C7orf78: variants seen among roughly 807,000 people sequenced by gnomAD.
The protein encoded by C7orf78 is chromosome 7 open reading frame 78.
chr7:12,497,917 T>TCCCTGAC, the C7orf78 span, among the ~76,000 whole-genome samples: 23,227 of 150,230 alleles, frequency 0.15, 2,032 homozygotes, highest in South Asian at 0.23. Context: ...CTCAAGTGGG[T>TCCCTGAC]CCCTGACCCC....
At chr7:12,487,830 G>A in the C7orf78 span, among the ~76,000 whole-genome samples, 1 of 152,072 alleles carries the variant, frequency 6.6e-6, no homozygotes, top group Non-Finnish European at 1.5e-5. Context: ...ACAAGTCAAT[G>A]TACTTGTTTA....
At chr7:12,492,246 A>C in the C7orf78 span, among the ~76,000 whole-genome samples, 1 of 152,228 alleles carries the variant, frequency 6.6e-6, no homozygotes, top group Non-Finnish European at 1.5e-5. Context: ...GAGTATAGTT[A>C]CATTTTAGAA....
chr7:12,532,233 G>T, the C7orf78 span, among the ~76,000 whole-genome samples: 1 of 152,080 alleles, frequency 6.6e-6, no homozygotes, highest in Non-Finnish European at 1.5e-5. Flanking sequence ...TTTAGGAAAT[G>T]ATTTGGGGCT....
At chr7:12,524,720 G>C in the C7orf78 span, among the ~76,000 whole-genome samples, 2 of 152,004 alleles carry the variant, frequency 1.3e-5, no homozygotes, top group African/African-American at 2.4e-5. Context: ...ACACGTGCCT[G>C]TAATTCCAGC....
chr7:12,508,239 T>C, the C7orf78 span, among the ~76,000 whole-genome samples: 2 of 152,208 alleles, frequency 1.3e-5, no homozygotes, highest in Non-Finnish European at 2.9e-5. Context: ...TAGGAATGAA[T>C]CTGGCTTTAG....
chr7:12,500,640 CT>C, the C7orf78 span, among the ~76,000 whole-genome samples: 1 of 152,002 alleles, frequency 6.6e-6, no homozygotes, highest in East Asian at 1.9e-4. Context: ...CAGCCGAATT[CT>C]ACCAGAGGTA....
the C7orf78 span, chr7:12,505,942 G>A: frequency 7.9e-5 from 12 of 152,048 alleles, no homozygotes; most frequent in African/African-American, 2.4e-4. Context: ...CATAATATAA[G>A]GACAAAATAA....
At chr7:12,501,176 AG>A in the C7orf78 span, among the ~76,000 whole-genome samples, 1 of 134,436 alleles carries the variant, frequency 7.4e-6, no homozygotes, top group African/African-American at 2.9e-5. Flanking sequence ...GGCACAAGAC[AG>A]GGATGTCCTC....
the C7orf78 span, among the ~76,000 whole-genome samples, chr7:12,498,086 A>G: frequency 3.9e-5 from 6 of 152,046 alleles, no homozygotes; most frequent in East Asian, 9.7e-4. Flanking sequence ...CCATCTGTAC[A>G]TCACCATCAT....
the C7orf78 span, chr7:12,530,404 G>A: frequency 6.6e-6 from 1 of 152,200 alleles, no homozygotes; most frequent in Non-Finnish European, 1.5e-5. Flanking sequence ...TATCTGTCAT[G>A]TGATGCGACA....
the C7orf78 span, among the ~76,000 whole-genome samples, chr7:12,493,070 G>A: frequency 2.6e-5 from 4 of 152,090 alleles, no homozygotes; most frequent in Non-Finnish European, 1.5e-5. Context: ...AGACATGGTG[G>A]CACATGCCTG....
At chr7:12,515,700 G>C in the C7orf78 span, among the ~76,000 whole-genome samples, 1 of 152,164 alleles carries the variant, frequency 6.6e-6, no homozygotes, top group Admixed American at 6.5e-5. Context: ...GACTGAGGTG[G>C]TCTCAGATGG....
chr7:12,503,097 G>C, the C7orf78 span, among the ~76,000 whole-genome samples: 3 of 139,552 alleles, frequency 2.1e-5, no homozygotes, highest in East Asian at 2.0e-4. Context: ...GTGGGGGTAG[G>C]GGGGAGGGAT....
At chr7:12,533,974 CAAAAT>C in the C7orf78 span, among the ~76,000 whole-genome samples, 1 of 152,160 alleles carries the variant, frequency 6.6e-6, no homozygotes, top group Admixed American at 6.5e-5. Context: ...ACAGGCTTCT[CAAAAT>C]AGAAATGTTT....
At chr7:12,495,132 T>C in the C7orf78 span, among the ~76,000 whole-genome samples, 1 of 152,116 alleles carries the variant, frequency 6.6e-6, no homozygotes, top group South Asian at 2.1e-4. Context: ...TCCAACAGAG[T>C]GTCCTGGGCC....
the C7orf78 span, chr7:12,523,087 A>C: frequency 3.3e-5 from 13 of 398,272 alleles, no homozygotes; most frequent in African/African-American, 8.2e-5. Context: ...TCAACTCCAA[A>C]TGGAAAAAAA....
At chr7:12,537,148 A>G in the C7orf78 span, among the ~76,000 whole-genome samples, 2 of 152,242 alleles carry the variant, frequency 1.3e-5, no homozygotes, top group Non-Finnish European at 1.5e-5. Flanking sequence ...TGATAAAGAC[A>G]TACCCAAGAC....
the C7orf78 span, among the ~76,000 whole-genome samples, chr7:12,486,116 A>T: frequency 6.6e-6 from 1 of 152,114 alleles, no homozygotes; most frequent in East Asian, 1.9e-4. Context: ...GTAACCCCAG[A>T]AAATTAAAGT....
chr7:12,514,303 A>G, the C7orf78 span, among the ~76,000 whole-genome samples: 2,798 of 152,000 alleles, frequency 0.018, 91 homozygotes, highest in African/African-American at 0.064. Context: ...TTATATAACA[A>G]TATTCTTTAT....
Sources: allele counts gnomAD v4.1 joint callset (sites outside exome capture counted in the v4.1 genomes callset), GRCh38; gene constraint gnomAD v4.1.1; transcripts MANE v1.5; gene names NCBI Gene and HGNC (gene_info 2026-07-23, HGNC 2026-07-21).